The following CCDC175 variants were observed in gnomAD, a reference collection of about 807,000 sequenced individuals.
CCDC175 encodes the protein coiled-coil domain-containing protein 175.
In CCDC175, 100 loss-of-function variants were observed where a neutral mutation model predicts 114.6. The ratio of observed to expected loss-of-function variants is 0.87; its 90% CI spans 0.74 to 1.03. The LOEUF (loss-of-function observed/expected upper bound fraction) is 1.03, where lower values mean the gene tolerates loss of function less well. Among genes scored for constraint, CCDC175 ranks in the 50% least tolerant of loss-of-function variants. CCDC175 has a pLI of 0.00. For synonymous variants in CCDC175, 306 were observed against 308.7 expected (o/e 0.99, Z 0.09); for missense variants, 880 against 917.8 (o/e 0.96, Z 0.53).
intron 8 of CCDC175, among the ~76,000 whole-genome samples, chr14:59,549,984 C>A (rs543946956): frequency 6.6e-6 from 1 of 152,184 alleles, no homozygotes; most frequent in Admixed American, 6.5e-5. Flanking sequence ...GATCTCAGCT[C>A]ACTGCAACCT....
intron 10 of CCDC175, 35 bp from the exon 11 acceptor site, chr14:59,540,781 G>A (rs1395293140): frequency 6.8e-7 from 1 of 1,479,994 alleles, no homozygotes. Context: ...TTGCATTTAT[G>A]GGAGCTGTTA....
rs556221167 is a variant in CCDC175 at position 59,546,716 on chromosome 14, A to G, written c.1036-1417T>C. Among the ~76,000 whole-genome samples, 6 of 152,106 alleles carry G rather than the reference A, an allele frequency of 3.9e-5. No homozygotes were observed. In the East Asian group the frequency reaches 1.2e-3, roughly 29 times the overall value. The stretch of plus-strand genomic sequence containing the variant: ...ACTATTTTAGTCTGGGATTCCAAAG[A>G]GCTTCACCCTTTGGAAGGCTGAGGC... On this transcript the variant is annotated intron_variant, in intron 8 of 19. Transcript: ENST00000537690.
At position 59,510,800 on chromosome 14, in the gene CCDC175, C is replaced by G; in HGVS notation, c.2151G>C (p.Val717=). 3.3e-6 allele frequency: 5 copies of G among 1,536,082 alleles called. No individual in the cohort carries two copies. Among genetic ancestry groups the G allele is most frequent in the Non-Finnish European group, 4.4e-6 (5 of 1,146,010 alleles). ...CTTGCAAGGTCTCTTCACCATTGTC[C>G]ACCAAGATCTAAAGAAATGGCATTT... is the stretch of plus-strand genomic sequence containing the variant. ...AEFQTTVKIL[V]DNGEETLQDI... is the part of the protein sequence containing the mutation. The change falls in exon 19 of 20, where the codon GTG becomes GTC. Residue 717 remains valine, a synonymous_variant. Transcript: ENST00000537690.
chr14:59,517,142 A>C (rs750067816), intron 17 of CCDC175, among the ~76,000 whole-genome samples: 49 of 152,316 alleles, frequency 3.2e-4, no homozygotes, highest in Non-Finnish European at 6.3e-4. Flanking sequence ...AAAACTCTCA[A>C]TAAATTCGGT....
chr14:59,523,606 G>A (rs181378602), intron 16 of CCDC175, among the ~76,000 whole-genome samples: 14 of 152,302 alleles, frequency 9.2e-5, no homozygotes, highest in Admixed American at 9.1e-4. Context: ...GGGGTACATT[G>A]ATAACAGATC....
intron 17 of CCDC175, among the ~76,000 whole-genome samples, chr14:59,514,782 C>A (rs1892971708): frequency 6.6e-6 from 1 of 152,180 alleles, no homozygotes; most frequent in African/African-American, 2.4e-5. Flanking sequence ...TCTAGCAAGG[C>A]AGGCCAACAT....
chr14:59,525,820 C>T (rs1033386137), intron 15 of CCDC175, among the ~76,000 whole-genome samples: 1 of 152,162 alleles, frequency 6.6e-6, no homozygotes, highest in Non-Finnish European at 1.5e-5. Flanking sequence ...ACTAACATAG[C>T]ATTTACATTA....
intron 7 of CCDC175, among the ~76,000 whole-genome samples, chr14:59,553,407 C>A (rs973332880): frequency 6.6e-6 from 1 of 152,124 alleles, no homozygotes; most frequent in Non-Finnish European, 1.5e-5. Flanking sequence ...TACAGACAAG[C>A]AAATGATGAG....
rs1314001341 is a variant in CCDC175 at position 59,551,419 on chromosome 14, T to C, written c.971A>G (p.Asn324Ser). 1 of 1,451,992 alleles carries C rather than the reference T, an allele frequency of 6.9e-7. No individual in the cohort carries two copies. The allele number at this position is 1,451,992 out of a possible 1,614,324, so 89.9% of individuals were successfully genotyped here. ...AGATATATCATCTAGTTTTTCTTTGTTATCTGTGAAAAAACACCTATGAAC... is the reference window on the plus strand; with the variant it reads ...AGATATATCATCTAGTTTTTCTTTGCTATCTGTGAAAAAACACCTATGAAC... The part of the protein sequence containing the change: ...LEAKLCFFTD[N>S]KEKLDDISND... Residue 324 changes from asparagine to serine, a missense_variant, in exon 8 of 20, where the codon AAC becomes AGC. By Grantham distance (46) the Asn-to-Ser change is conservative. Transcript: ENST00000537690.
At chr14:59,541,049 A>G (rs1371917871) in intron 10 of CCDC175, among the ~76,000 whole-genome samples, 1 of 152,216 alleles carries the variant, frequency 6.6e-6, no homozygotes, top group Non-Finnish European at 1.5e-5. Flanking sequence ...GTGGATTGCC[A>G]GAATGGAGGT....
At position 59,511,669 on chromosome 14, in the gene CCDC175, CAG is replaced by C. The variant is rs1367124377; in HGVS notation, c.2142+89_2142+90del. ...CCTGATGCGTGCATGCAGGTGCACA[CAG>C]ACACAAAAGCACACACACTTATTAG... is the stretch of plus-strand genomic sequence containing the variant. On this transcript the variant is annotated intron_variant, in intron 18 of 19. Coordinates refer to ENST00000537690, the MANE Select transcript of CCDC175 (RefSeq NM_001164399.2). 1.7e-5 allele frequency: 18 copies of C among 1,075,296 alleles called. No individual in the cohort carries two copies. The East Asian group carries it at 4.7e-4, about 28-fold the overall frequency. The allele number at this position is 1,075,296 out of a possible 1,614,324, so 66.6% of individuals were successfully genotyped here.
chr14:59,510,732 T>G lies in CCDC175; in HGVS notation c.2219A>C (p.Lys740Thr), dbSNP rs1463122659. ...LTDKLRERDE[K>T]MQHVSTWLRG... ...TAGCCATGTACTGACATGCTGCATT[T>G]TTTCATCTCTTTCACGCAGCTTGTC... The change falls in exon 19 of 20, where the codon AAA (lysine) becomes ACA (threonine). Residue 740 changes from lysine (K) to threonine (T), a missense_variant. By Grantham distance (78) the Lys-to-Thr change is moderately conservative. Coordinates refer to ENST00000537690, the MANE Select transcript of CCDC175 (RefSeq NM_001164399.2). 13 of 1,537,302 alleles carry G rather than the reference T, an allele frequency of 8.5e-6. No homozygotes were observed. The highest frequency in any genetic ancestry group is 1.1e-5 in the Non-Finnish European group (13 of 1,146,908).
At chr14:59,536,186 C>T (rs1439537574) in intron 13 of CCDC175, among the ~76,000 whole-genome samples, 1 of 152,090 alleles carries the variant, frequency 6.6e-6, no homozygotes, top group African/African-American at 2.4e-5. Flanking sequence ...ATTCAGCAAC[C>T]CCACCCCCTT....
intron 14 of CCDC175, among the ~76,000 whole-genome samples, chr14:59,531,433 G>A (rs557867510): frequency 9.9e-5 from 15 of 152,032 alleles, no homozygotes; most frequent in Middle Eastern, 3.4e-3. Flanking sequence ...GCAAATTCAC[G>A]GTAAGAAAAT....
Position 59,551,339 on chromosome 14 carries a change from A to T in CCDC175, c.1035+16T>A. The T allele has an allele frequency of 8.7e-7, 1 of 1,147,640 alleles. No homozygotes were observed. Among genetic ancestry groups the T allele is most frequent in the Non-Finnish European group, 1.2e-6 (1 of 841,562 alleles). 71.1% of individuals were successfully genotyped at this position (1,147,640 alleles called of 1,614,324 possible). A position where few individuals can be genotyped will look rare whatever the true frequency, so the allele number is the denominator to read the frequency against. On this transcript the variant is annotated intron_variant, in intron 8 of 19. Coordinates refer to ENST00000537690, the MANE Select transcript of CCDC175 (RefSeq NM_001164399.2). ...ATGTAATTATAATGTAAAAGTCATGACTTCTGCCTTCTTACCTGTTTTATC... is the reference window on the plus strand; with the variant it reads ...ATGTAATTATAATGTAAAAGTCATGTCTTCTGCCTTCTTACCTGTTTTATC...
intron 17 of CCDC175, among the ~76,000 whole-genome samples, chr14:59,518,644 C>T (rs1228303588): frequency 3.9e-5 from 6 of 152,242 alleles, no homozygotes; most frequent in Admixed American, 3.3e-4. Context: ...GTTAGAATGG[C>T]AATCATTAAA....
intron 11 of CCDC175, among the ~76,000 whole-genome samples, chr14:59,539,089 C>T (rs944671620): frequency 6.6e-6 from 1 of 152,202 alleles, no homozygotes; most frequent in African/African-American, 2.4e-5. Context: ...CAAAGCACAC[C>T]TGGCAGCTTG....
At chr14:59,560,264 A>G (rs1896149548) in intron 7 of CCDC175, among the ~76,000 whole-genome samples, 1 of 152,152 alleles carries the variant, frequency 6.6e-6, no homozygotes, top group African/African-American at 2.4e-5. Context: ...GAAATGAGCC[A>G]TGTTATAACA....
chr14:59,569,751 A>G (rs1471483548), intron 3 of CCDC175, among the ~76,000 whole-genome samples: 1 of 152,226 alleles, frequency 6.6e-6, no homozygotes, highest in Non-Finnish European at 1.5e-5. Context: ...GTCAGGGTCC[A>G]ATTAGGAGAT....
Sources: gnomAD v4.1 joint callset for allele counts (sites outside exome capture counted in the v4.1 genomes callset) on GRCh38, gnomAD v4.1.1 for gene constraint, MANE v1.5 for transcripts, NCBI Gene and HGNC (gene_info 2026-07-23, HGNC 2026-07-21) for gene names.